The following CNTN4 variants were observed in gnomAD, a reference collection of about 807,000 sequenced individuals.
CNTN4 encodes the protein contactin-4.
CNTN4 carries 77 observed loss-of-function variants against 122.5 expected under a neutral mutation model. The observed-to-expected ratio is 0.63, with a 90% CI of 0.52 to 0.76. The LOEUF (loss-of-function observed/expected upper bound fraction) is 0.76. Among genes scored for constraint, CNTN4 ranks in the 30% least tolerant of loss-of-function variants. The pLI, the probability that CNTN4 is intolerant of heterozygous loss-of-function variation, is 0.00. For synonymous variants in CNTN4, 512 were observed against 447.0 expected (o/e 1.15, Z -1.83); for missense variants, 1,256 against 1,259.1 (o/e 1.00, Z 0.04).
At chr3:2,816,390 A>G (rs1576909372) in intron 6 of CNTN4, among the ~76,000 whole-genome samples, 1 of 151,980 alleles carries the variant, frequency 6.6e-6, no homozygotes, top group Middle Eastern at 3.4e-3. Flanking sequence ...AAAATAAATA[A>G]AAAAAGAATG....
At chr3:2,116,032 C>T (rs954111740) in intron 2 of CNTN4, among the ~76,000 whole-genome samples, 1 of 152,158 alleles carries the variant, frequency 6.6e-6, no homozygotes, top group Admixed American at 6.5e-5. Context: ...TAGTAACCTG[C>T]ATGTAAAGCC....
At chr3:2,564,646 G>A (rs1005068344) in intron 3 of CNTN4, among the ~76,000 whole-genome samples, 1 of 152,048 alleles carries the variant, frequency 6.6e-6, no homozygotes, top group Non-Finnish European at 1.5e-5. Flanking sequence ...CACTGAGCCT[G>A]GAACGCAGTT....
At chr3:2,451,257 A>T (rs552122162) in intron 3 of CNTN4, among the ~76,000 whole-genome samples, 3 of 152,252 alleles carry the variant, frequency 2.0e-5, no homozygotes, top group Admixed American at 6.5e-5. Flanking sequence ...AATAGCTTAC[A>T]TGGGCCTTAT....
intron 6 of CNTN4, among the ~76,000 whole-genome samples, chr3:2,806,536 T>C (rs1465323821): frequency 6.6e-6 from 1 of 152,198 alleles, no homozygotes; most frequent in East Asian, 1.9e-4. Context: ...ACCATGCTAG[T>C]TTGTTCATTG....
At chr3:2,205,729 C>T (rs913877834) in intron 2 of CNTN4, among the ~76,000 whole-genome samples, 6 of 151,972 alleles carry the variant, frequency 3.9e-5, no homozygotes, top group Admixed American at 3.3e-4. Flanking sequence ...ATACTAGAAA[C>T]CCAGAACGAA....
At chr3:2,484,108 C>A (rs1387231868) in intron 3 of CNTN4, among the ~76,000 whole-genome samples, 1 of 151,908 alleles carries the variant, frequency 6.6e-6, no homozygotes, top group Admixed American at 6.6e-5. Context: ...TAAAACTCAA[C>A]AATCAGGAAA....
At chr3:2,225,222 A>G (rs540991851) in intron 2 of CNTN4, among the ~76,000 whole-genome samples, 1 of 150,720 alleles carries the variant, frequency 6.6e-6, no homozygotes, top group South Asian at 2.1e-4. Flanking sequence ...ATTGCTTTAA[A>G]ACCCAGGTCC....
chr3:2,388,631 G>A (rs1428861846), intron 3 of CNTN4, among the ~76,000 whole-genome samples: 1 of 152,092 alleles, frequency 6.6e-6, no homozygotes, highest in African/African-American at 2.4e-5. Flanking sequence ...GATCACTGGA[G>A]GTCAGGAGTT....
intron 3 of CNTN4, among the ~76,000 whole-genome samples, chr3:2,354,728 A>G (rs1036044483): frequency 2.6e-5 from 4 of 152,036 alleles, no homozygotes; most frequent in African/African-American, 9.7e-5. Context: ...GAAAAAAAAA[A>G]TCACACTTGG....
intron 2 of CNTN4, among the ~76,000 whole-genome samples, chr3:2,308,700 A>G (rs566535290): frequency 7.2e-5 from 11 of 152,082 alleles, no homozygotes; most frequent in African/African-American, 1.9e-4. Flanking sequence ...AATTTCCCAA[A>G]TTTGCTTTTA....
At chr3:2,222,207 TG>T (rs1382772264) in intron 2 of CNTN4, among the ~76,000 whole-genome samples, 3 of 152,212 alleles carry the variant, frequency 2.0e-5, no homozygotes, top group Non-Finnish European at 4.4e-5. Flanking sequence ...AATAGTGGAA[TG>T]CTGTTCAGCA....
intron 2 of CNTN4, among the ~76,000 whole-genome samples, chr3:2,222,362 C>G (rs1362586419): frequency 1.3e-5 from 2 of 151,862 alleles, no homozygotes; most frequent in African/African-American, 2.4e-5. Flanking sequence ...GAGACAGAAA[C>G]TAGATAAGTA....
intron 3 of CNTN4, among the ~76,000 whole-genome samples, chr3:2,412,112 A>G (rs1192954738): frequency 3.9e-5 from 6 of 152,278 alleles, no homozygotes; most frequent in South Asian, 4.1e-4. Context: ...TGCTCAACAT[A>G]CTATTTTTTG....
chr3:2,995,737 A>G (rs943222759), intron 14 of CNTN4, among the ~76,000 whole-genome samples: 5 of 152,346 alleles, frequency 3.3e-5, no homozygotes, highest in African/African-American at 1.2e-4. Flanking sequence ...AACATCTAAC[A>G]GTACCTTTTG....
rs186126398 is a variant in CNTN4 at position 2,152,975 on chromosome 3, G to T, written c.-145+52336G>T. 4.1e-3 allele frequency among the ~76,000 whole-genome samples: 621 copies of T among 152,272 alleles called. 3 individuals carry two copies. The highest frequency in any genetic ancestry group is 0.013 in the African/African-American group (560 of 41,552). On this transcript the variant is annotated intron_variant, in intron 2 of 24. Transcript: ENST00000418658. ...AGCTCATCCCACATTTGGAAGGAGG[G>T]CTGCCCATGGAGCCTGCTTTAGATT...
At chr3:2,989,725 G>A (rs1022869670) in intron 14 of CNTN4, among the ~76,000 whole-genome samples, 2 of 152,144 alleles carry the variant, frequency 1.3e-5, no homozygotes, top group South Asian at 4.1e-4. Context: ...CTGACTGCTT[G>A]TTCACTCTGT....
chr3:2,345,145 T>G (rs529418313), intron 3 of CNTN4, among the ~76,000 whole-genome samples: 3 of 152,324 alleles, frequency 2.0e-5, no homozygotes, highest in African/African-American at 7.2e-5. Context: ...CCCTGTGGCC[T>G]TACATTAAAA....
intron 4 of CNTN4, among the ~76,000 whole-genome samples, chr3:2,650,820 A>G (rs1413492366): frequency 1.3e-5 from 2 of 152,216 alleles, no homozygotes; most frequent in Non-Finnish European, 2.9e-5. Context: ...GTATAGTGTA[A>G]ACATGACTCT....
intron 2 of CNTN4, among the ~76,000 whole-genome samples, chr3:2,327,153 T>TGTGTGTGTG: frequency 8.8e-6 from 1 of 114,004 alleles, no homozygotes; most frequent in South Asian, 2.9e-4. Context: ...GTGTGTGTGT[T>TGTGTGTGTG]TGTGTGTGTG....
Sources: allele counts gnomAD v4.1 joint callset (sites outside exome capture counted in the v4.1 genomes callset), GRCh38; gene constraint gnomAD v4.1.1; transcripts MANE v1.5; gene names NCBI Gene and HGNC (gene_info 2026-07-23, HGNC 2026-07-21).